Variants in CRYBG1 observed in about 807,000 individuals in gnomAD.
CRYBG1 encodes the protein beta/gamma crystallin domain-containing protein 1.
A neutral mutation model predicts 189.2 loss-of-function variants in CRYBG1; 139 were observed. The observed-to-expected ratio is 0.73, with a 90% CI of 0.64 to 0.85. The LOEUF (loss-of-function observed/expected upper bound fraction) is 0.85, where lower values mean the gene tolerates loss of function less well. CRYBG1 is among the 40% of genes least tolerant of loss of function. The pLI, the probability that CRYBG1 is intolerant of heterozygous loss-of-function variation, is 0.00. For synonymous variants in CRYBG1, 1,023 were observed against 1,017.1 expected, an observed-to-expected ratio of 1.01 and a Z score of -0.11; for missense variants, 2,611 against 2,675.8, an observed-to-expected ratio of 0.98 and a Z score of 0.53.
intron 1 of CRYBG1, among the ~76,000 whole-genome samples, chr6:106,435,551 GT>G (rs1771438646): frequency 6.6e-6 from 1 of 151,976 alleles, no homozygotes; most frequent in Non-Finnish European, 1.5e-5. Context: ...ATCATACAGG[GT>G]GAATTTCTCT....
chr6:106,549,655 G>C (rs1354353339), intron 13 of CRYBG1, among the ~76,000 whole-genome samples: 1 of 152,066 alleles, frequency 6.6e-6, no homozygotes, highest in Non-Finnish European at 1.5e-5. Context: ...TCGGGGGATG[G>C]GGGGTGGTAG....
intron 1 of CRYBG1, among the ~76,000 whole-genome samples, chr6:106,399,683 G>T (rs1433555646): frequency 3.4e-5 from 5 of 148,948 alleles, no homozygotes; most frequent in African/African-American, 1.2e-4. Context: ...TTGAGACAGG[G>T]TCTCACTCTG....
chr6:106,367,011 C>T (rs150264476), intron 1 of CRYBG1, among the ~76,000 whole-genome samples: 1 of 152,150 alleles, frequency 6.6e-6, no homozygotes, highest in African/African-American at 2.4e-5. Flanking sequence ...GCTCTCAGTG[C>T]CTTAAAAGTC....
intron 21 of CRYBG1, among the ~76,000 whole-genome samples, chr6:106,567,936 T>A (rs1054426216): frequency 1.3e-5 from 2 of 152,190 alleles, no homozygotes; most frequent in African/African-American, 4.8e-5. Flanking sequence ...TCCCCTTATG[T>A]ACTTCCGGGT....
intron 1 of CRYBG1, among the ~76,000 whole-genome samples, chr6:106,390,006 T>G (rs1476359408): frequency 6.6e-6 from 1 of 152,162 alleles, no homozygotes; most frequent in Non-Finnish European, 1.5e-5. Flanking sequence ...TTGTTGTTTT[T>G]GTATGCCTAT....
At chr6:106,540,059 C>G (rs1164325082) in intron 9 of CRYBG1, among the ~76,000 whole-genome samples, 1 of 151,804 alleles carries the variant, frequency 6.6e-6, no homozygotes, top group Non-Finnish European at 1.5e-5. Flanking sequence ...TGCCGTGACA[C>G]GAGTGGGTGG....
intron 1 of CRYBG1, among the ~76,000 whole-genome samples, chr6:106,448,825 G>A (rs1425260848): frequency 2.0e-5 from 3 of 152,100 alleles, no homozygotes; most frequent in Non-Finnish European, 4.4e-5. Context: ...AAAGGGTTGG[G>A]TCCAGTGATC....
chr6:106,461,901 T>C (rs527670890), intron 2 of CRYBG1, among the ~76,000 whole-genome samples: 44 of 152,248 alleles, frequency 2.9e-4, no homozygotes, highest in African/African-American at 9.1e-4. Context: ...GGAATCGACA[T>C]GAAAATCCCA....
Position 106,552,216 on chromosome 6 carries a change from G to T in CRYBG1, c.5472G>T (p.Gln1824His), listed in dbSNP as rs770133311. 36 of 1,554,752 alleles carry T rather than the reference G, an allele frequency of 2.3e-5. No homozygotes were observed. The highest frequency in any genetic ancestry group is 3.2e-5 in the Non-Finnish European group (36 of 1,142,200). ...TCACTGGCCCAAGGAGACGAAATCA[G>T]GTAACTTTAAAAATATTCTTTTATA... The part of the protein sequence containing the change: ...DSFTGPRRRN[Q>H]IHLFSEPQFQ... Residue 1824 changes from glutamine (Q) to histidine (H), a missense_variant and splice_region_variant, in exon 15 of 22, where the codon CAG becomes CAT. Transcript: ENST00000633556.
intron 1 of CRYBG1, among the ~76,000 whole-genome samples, chr6:106,450,590 A>C (rs1290349208): frequency 2.0e-5 from 3 of 152,234 alleles, no homozygotes; most frequent in South Asian, 2.1e-4. Flanking sequence ...TAGGACGTTT[A>C]TTATCTAACA....
At position 106,512,027 on chromosome 6, in the gene CRYBG1, CGGCCCGCGGGAGGACTAG is replaced by C. The variant is rs1562095410; in HGVS notation, c.912_929del (p.Pro305_Gly310del). ...TGCGCCAGGGTCGCCCACCCAGGAG[CGGCCCGCGGGAGGACTAG>C]GCGAGGCCCCTAACGGAGCCCCCAG... On this transcript the variant is annotated inframe_deletion, in exon 3 of 22. Transcript: ENST00000633556. 6.5e-7 allele frequency: 1 copy of C among 1,529,678 alleles called. No homozygotes were observed. The highest frequency in any genetic ancestry group is 8.7e-7 in the Non-Finnish European group (1 of 1,143,534). The allele number at this position is 1,529,678 out of a possible 1,614,324, so 94.8% of individuals were successfully genotyped here.
At chr6:106,366,260 A>G (rs1771996958) in intron 1 of CRYBG1, among the ~76,000 whole-genome samples, 1 of 152,070 alleles carries the variant, frequency 6.6e-6, no homozygotes, top group African/African-American at 2.4e-5. Flanking sequence ...TTTTTGTTTT[A>G]TGTAATGTTA....
chr6:106,532,720 ACT>A (rs1409155325), intron 8 of CRYBG1, among the ~76,000 whole-genome samples: 2 of 152,152 alleles, frequency 1.3e-5, no homozygotes, highest in African/African-American at 4.8e-5. Context: ...AAATAAATGT[ACT>A]GTTTTTTGTG....
chr6:106,440,012 C>T (rs989947423), intron 1 of CRYBG1, among the ~76,000 whole-genome samples: 19 of 152,206 alleles, frequency 1.2e-4, no homozygotes, highest in African/African-American at 4.6e-4. Flanking sequence ...GCACATCCTT[C>T]AGTTCTCTGT....
intron 1 of CRYBG1, among the ~76,000 whole-genome samples, chr6:106,362,196 C>G (rs1771890435): frequency 6.6e-6 from 1 of 151,682 alleles, no homozygotes; most frequent in African/African-American, 2.4e-5. Context: ...GTCTCGATCT[C>G]CTGACCTCAT....
rs750066681 is a variant in CRYBG1, at chr6:106,551,898, C to T, written c.5359C>T (p.Leu1787=). The T allele has an allele frequency of 3.1e-6, 5 of 1,611,744 alleles. No homozygotes were observed. The highest frequency in any genetic ancestry group is 2.2e-5 in the East Asian group (1 of 44,766). Residue 1787 remains leucine, a synonymous_variant, in exon 14 of 22, where the codon CTG becomes TTG. Transcript: ENST00000633556. ...NPDFTGEQYI[L]DKGFYTSFED... is the part of the protein sequence containing the mutation. ...TGACTTCACAGGAGAACAGTATATACTGGATAAAGGATTTTATACCAGTTT... is the reference window on the plus strand; with the variant it reads ...TGACTTCACAGGAGAACAGTATATATTGGATAAAGGATTTTATACCAGTTT...
intron 1 of CRYBG1, among the ~76,000 whole-genome samples, chr6:106,428,446 T>C (rs1771267161): frequency 6.6e-6 from 1 of 152,176 alleles, no homozygotes; most frequent in African/African-American, 2.4e-5. Flanking sequence ...TTTGGAACGT[T>C]GAAGGCAGTA....
chr6:106,479,785 T>A (rs1772405704), intron 2 of CRYBG1, among the ~76,000 whole-genome samples: 1 of 152,228 alleles, frequency 6.6e-6, no homozygotes, highest in Admixed American at 6.5e-5. Context: ...GTATTTTAAT[T>A]GCTGAACTGT....
intron 2 of CRYBG1, among the ~76,000 whole-genome samples, chr6:106,508,325 G>A (rs1013736291): frequency 6.6e-6 from 1 of 152,184 alleles, no homozygotes; most frequent in Non-Finnish European, 1.5e-5. Flanking sequence ...GTTTTAAAGA[G>A]ATTGTATCTT....
Sources: allele counts gnomAD v4.1 joint callset (sites outside exome capture counted in the v4.1 genomes callset), GRCh38; gene constraint gnomAD v4.1.1; transcripts MANE v1.5; gene names NCBI Gene and HGNC (gene_info 2026-07-23, HGNC 2026-07-21).